Variants in PACSIN1 observed in about 807,000 individuals in gnomAD.
The protein encoded by PACSIN1 is protein kinase C and casein kinase substrate in neurons protein 1.
Under a neutral mutation model 59.5 loss-of-function variants are expected in PACSIN1, and 15 were observed. The ratio of observed to expected loss-of-function variants is 0.25; its 90% confidence interval spans 0.17 to 0.39. The LOEUF is 0.39. Among genes scored for constraint, PACSIN1 ranks in the 10% least tolerant of loss-of-function variants. The pLI is 1.00. For missense variants in PACSIN1, 420 were observed against 580.2 expected (o/e 0.72, Z 2.84); for synonymous variants, 210 against 220.6 (o/e 0.95, Z 0.42).
At chr6:34,481,095 G>A (rs1252728584) in intron 1 of PACSIN1, among the ~76,000 whole-genome samples, 1 of 151,820 alleles carries the variant, frequency 6.6e-6, no homozygotes, top group East Asian at 1.9e-4. Flanking sequence ...GCCCAGGCTG[G>A]AGTGCAGTGG....
At chr6:34,527,764 T>G in intron 3 of PACSIN1, 1 of 277,708 alleles carries the variant, frequency 3.6e-6, no homozygotes, top group Non-Finnish European at 6.7e-6. Context: ...AATTCCTACA[T>G]ACCCTTCCCC....
intron 1 of PACSIN1, among the ~76,000 whole-genome samples, chr6:34,498,609 G>A (rs1766980684): frequency 6.6e-6 from 1 of 151,710 alleles, no homozygotes; most frequent in African/African-American, 2.4e-5. Flanking sequence ...ACCAGTCTGG[G>A]CAACATGGCA....
intron 1 of PACSIN1, among the ~76,000 whole-genome samples, chr6:34,490,756 A>G (rs4713797): frequency 0.4 from 61,436 of 151,962 alleles, 14,426 homozygotes; most frequent in Middle Eastern, 0.53. Context: ...CTGGCCAGAC[A>G]TGGCGGAAAC....
intron 1 of PACSIN1, among the ~76,000 whole-genome samples, chr6:34,517,086 T>C (rs1767305220): frequency 6.6e-6 from 1 of 152,014 alleles, no homozygotes; most frequent in Non-Finnish European, 1.5e-5. Context: ...CCAACGCCGT[T>C]CCTCCCTCGG....
Position 34,521,209 on chromosome 6 carries a change from C to T in PACSIN1, c.-63-5034C>T, listed in dbSNP as rs1203606808. On this transcript the variant is annotated intron_variant, in intron 1 of 9. Transcript: ENST00000244458. This position sits in a 1 kb window ranked among gnomAD's most constrained non-coding sequence, Gnocchi z 4.3. ...CTGTGGATGCCGTGTCCGGTGGTGA[C>T]GAGGGCTGTGAAGAATAATACGGAG... 6.6e-6 allele frequency among the ~76,000 whole-genome samples: 1 copy of T among 151,996 alleles called. No individual in the cohort carries two copies.
Position 34,529,758 on chromosome 6 carries a change from G to A in PACSIN1, c.705G>A (p.Gln235=). The change falls in exon 6 of 10, where the codon CAG becomes CAA. Residue 235 remains glutamine, a synonymous_variant. Coordinates refer to ENST00000244458, the MANE Select transcript of PACSIN1 (RefSeq NM_020804.5). The surrounding 1 kb of genome is among the most constrained non-coding windows in gnomAD (Gnocchi z 6.3). The part of the protein sequence containing the change: ...ENMEQVFEQC[Q]QFEEKRLVFL... ...TGGAGCAGGTGTTTGAGCAATGCCAGCAATTTGAGGAAAAGCGGCTGGTCT... is the reference window on the plus strand; with the variant it reads ...TGGAGCAGGTGTTTGAGCAATGCCAACAATTTGAGGAAAAGCGGCTGGTCT... 1.9e-6 allele frequency: 3 copies of A among 1,614,144 alleles called. No individual in the cohort carries two copies. Among genetic ancestry groups the A allele is most frequent in the South Asian group, 2.2e-5 (2 of 91,080 alleles).
chr6:34,527,151 T>C (rs1767500632), intron 2 of PACSIN1, among the ~76,000 whole-genome samples, 181 bp from the exon 3 acceptor site: 1 of 137,664 alleles, frequency 7.3e-6, no homozygotes, highest in African/African-American at 2.7e-5. Flanking sequence ...CTCCGAAAGT[T>C]AGTTTCCCTG....
Position 34,518,769 on chromosome 6 carries a change from T to C in PACSIN1, c.-63-7474T>C, listed in dbSNP as rs1172117757. Among the ~76,000 whole-genome samples the C allele has an allele frequency of 1.3e-5, 2 of 152,212 alleles. No individual in the cohort carries two copies. Among genetic ancestry groups the C allele is most frequent in the African/African-American group, 4.8e-5 (2 of 41,450 alleles). The stretch of plus-strand genomic sequence containing the variant: ...CCCTGTCCCTCACGCTGGCTGAATT[T>C]TCTCTGAACTGTTGTCACCACCTAA... On this transcript the variant is annotated intron_variant, in intron 1 of 9. Transcript: ENST00000244458. The surrounding 1 kb of genome is among the most constrained non-coding windows in gnomAD (Gnocchi z 4.4).
chr6:34,472,782 AG>A (rs1206163524), intron 1 of PACSIN1, among the ~76,000 whole-genome samples: 3 of 152,124 alleles, frequency 2.0e-5, no homozygotes, highest in Non-Finnish European at 4.4e-5. Flanking sequence ...GGGTATCAGG[AG>A]GGCTGTAGAA....
intron 1 of PACSIN1, among the ~76,000 whole-genome samples, chr6:34,510,853 C>T (rs954872487): frequency 6.6e-6 from 1 of 152,214 alleles, no homozygotes; most frequent in Non-Finnish European, 1.5e-5. Context: ...GCTGGGACTA[C>T]AGGCACATGC....
In PACSIN1 at chr6:34,529,380, T is replaced by C. The variant is rs1767547765; in HGVS notation, c.457-17T>C. ...TCACAAATGAAAACCCTACTCCCTA[T>C]TCCCCCCTCCCCACAGCTGGAGGCA... On this transcript the variant is annotated splice_polypyrimidine_tract_variant and intron_variant, in intron 4 of 9. Transcript: ENST00000244458. The surrounding 1 kb of genome is among the most constrained non-coding windows in gnomAD (Gnocchi z 6.3). 1.2e-6 allele frequency: 2 copies of C among 1,613,442 alleles called. No homozygotes were observed. Among genetic ancestry groups the C allele is most frequent in the African/African-American group, 1.3e-5 (1 of 74,866 alleles).
Position 34,529,894 on chromosome 6 carries a change from G to A in PACSIN1, c.788+53G>A. ...CACAGGCACAGCCAGCAGATGGTGT[G>A]ACTGGCATGCAGGGCATCCCAGCCC... On this transcript the variant is annotated intron_variant, in intron 6 of 9. Coordinates refer to ENST00000244458, the MANE Select transcript of PACSIN1 (RefSeq NM_020804.5). The surrounding 1 kb of genome is among the most constrained non-coding windows in gnomAD (Gnocchi z 6.3). 1.3e-6 allele frequency: 2 copies of A among 1,571,036 alleles called. No individual in the cohort carries two copies. Among genetic ancestry groups the A allele is most frequent in the East Asian group, 4.6e-5 (2 of 43,618 alleles).
intron 1 of PACSIN1, among the ~76,000 whole-genome samples, chr6:34,520,526 G>T (rs1409685626): frequency 4.6e-5 from 7 of 152,168 alleles, no homozygotes; most frequent in Non-Finnish European, 8.8e-5. Flanking sequence ...GTGTGACCTT[G>T]GACAAGTTAT....
chr6:34,475,741 G>A (rs1253659982), intron 1 of PACSIN1, among the ~76,000 whole-genome samples: 1 of 152,204 alleles, frequency 6.6e-6, no homozygotes, highest in Non-Finnish European at 1.5e-5. Flanking sequence ...CTGATAGAAG[G>A]ACACTGGCAG....
rs1478912084 is a variant in PACSIN1 at position 34,530,126 on chromosome 6, G to A, written c.789-117G>A. 6.6e-6 allele frequency: 9 copies of A among 1,359,716 alleles called. No homozygotes were observed. Among genetic ancestry groups the A allele is most frequent in the Non-Finnish European group, 8.9e-6 (9 of 1,012,576 alleles). 84.2% of individuals were successfully genotyped at this position (1,359,716 alleles called of 1,614,324 possible). On this transcript the variant is annotated intron_variant, in intron 6 of 9. Transcript: ENST00000244458. This position sits in a 1 kb window ranked among gnomAD's most constrained non-coding sequence, Gnocchi z 4.4. ...TTCTTGCAAAGCCCACATGATTCCTGGCTGGGCAGCATGCCCAGCACCCTG... is the reference window on the plus strand; with the variant it reads ...TTCTTGCAAAGCCCACATGATTCCTAGCTGGGCAGCATGCCCAGCACCCTG...
intron 1 of PACSIN1, among the ~76,000 whole-genome samples, chr6:34,483,315 T>A (rs1766747814): frequency 6.6e-6 from 1 of 152,188 alleles, no homozygotes. Flanking sequence ...CCAGACTTTT[T>A]GAATTCTAGA....
intron 1 of PACSIN1, among the ~76,000 whole-genome samples, chr6:34,469,626 C>T (rs1174375735): frequency 6.6e-6 from 1 of 152,178 alleles, no homozygotes; most frequent in Non-Finnish European, 1.5e-5. Flanking sequence ...AGAGTCAGGC[C>T]CTAGACCCCA....
rs566896008 is a variant in PACSIN1, at chr6:34,516,453, G to A, written c.-63-9790G>A. Among the ~76,000 whole-genome samples the A allele has an allele frequency of 1.3e-5, 2 of 152,228 alleles. No homozygotes were observed. Among genetic ancestry groups the A allele is most frequent in the South Asian group, 2.1e-4 (1 of 4,824 alleles). On this transcript the variant is annotated intron_variant, in intron 1 of 9. Transcript: ENST00000244458. The surrounding 1 kb of genome is among the most constrained non-coding windows in gnomAD (Gnocchi z 5.4). Reference sequence around the variant, plus strand: ...TGACACTGCCTGCCCCTGCTCCTCCGAACCCCGCACTCTCCTCCTTCCTGA... The same window carrying A: ...TGACACTGCCTGCCCCTGCTCCTCCAAACCCCGCACTCTCCTCCTTCCTGA...
In PACSIN1 at chr6:34,532,650, T is replaced by G; in HGVS notation, c.*120T>G. The G allele has an allele frequency of 1.5e-6, 1 of 658,360 alleles. No homozygotes were observed. The highest frequency in any genetic ancestry group is 2.7e-6 in the Non-Finnish European group (1 of 377,130). 40.8% of individuals were successfully genotyped at this position (658,360 alleles called of 1,614,324 possible). A position where few individuals can be genotyped will look rare whatever the true frequency, so the allele number is the denominator to read the frequency against. On this transcript the variant is annotated 3_prime_UTR_variant, in exon 10 of 10. Coordinates refer to ENST00000244458, the MANE Select transcript of PACSIN1 (RefSeq NM_020804.5). The surrounding 1 kb of genome is among the most constrained non-coding windows in gnomAD (Gnocchi z 5.2). Reference sequence around the variant, plus strand: ...TATTTTCCGATCAAGCTTTTATTTTTTTAAAAGTCAAAACAGAACAAAACA... The same window carrying G: ...TATTTTCCGATCAAGCTTTTATTTTGTTAAAAGTCAAAACAGAACAAAACA...
Sources: gnomAD v4.1 joint callset for allele counts (sites outside exome capture counted in the v4.1 genomes callset) on GRCh38, gnomAD v4.1.1 for gene constraint, Gnocchi (gnomAD v3.1) non-coding constraint, MANE v1.5 for transcripts, NCBI Gene and HGNC (gene_info 2026-07-23, HGNC 2026-07-21) for gene names.